Variants in TTPAL observed in about 807,000 individuals in gnomAD.
TTPAL encodes alpha-tocopherol transfer protein-like.
Under a neutral mutation model 28.7 loss-of-function variants are expected in TTPAL, and 21 were observed. The observed-to-expected ratio is 0.73, with a 90% CI of 0.52 to 1.06. TTPAL has a LOEUF of 1.06. Among genes scored for constraint, TTPAL ranks in the 50% least tolerant of loss-of-function variants. The probability of loss-of-function intolerance (pLI) is 0.00; values close to 1 mark genes in which losing one functional copy is unlikely to be tolerated. For synonymous variants in TTPAL, 169 were observed against 171.9 expected (o/e 0.98, Z 0.13); for missense variants, 345 against 425.5 (o/e 0.81, Z 1.67).
Position 44,494,136 on chromosome 20 carries a change from C to T in TTPAL, c.*4595C>T, listed in dbSNP as rs1444526847. The T allele has an allele frequency of 1.3e-5, 2 of 152,320 alleles. No individual in the cohort carries two copies. Among genetic ancestry groups the T allele is most frequent in the African/African-American group, 4.8e-5 (2 of 41,430 alleles). The allele number at this position is 152,320 out of a possible 1,614,324, so 9.4% of individuals were successfully genotyped here. On this transcript the variant is annotated 3_prime_UTR_variant, in exon 5 of 5. Transcript: ENST00000262605. ...ACAGTCAACAGGAGCTTGCTTCATG[C>T]GAAGGATCAATGTGATTTGTGGATG...
chr20:44,486,826 C>G lies in TTPAL; in HGVS notation c.750+120C>G, dbSNP rs1166974374. 8.2e-6 allele frequency: 5 copies of G among 608,990 alleles called. No individual in the cohort carries two copies. The African/African-American group carries it at 9.3e-5, about 11-fold the overall frequency. 37.7% of individuals were successfully genotyped at this position (608,990 alleles called of 1,614,324 possible). Reference sequence around the variant, plus strand: ...ACTAATTTGGAAAAGTACAGAGTTACAGATAAAATAAATGAACAGTCCCTT... The same window carrying G: ...ACTAATTTGGAAAAGTACAGAGTTAGAGATAAAATAAATGAACAGTCCCTT... On this transcript the variant is annotated intron_variant, in intron 4 of 4. Coordinates refer to ENST00000262605, the MANE Select transcript of TTPAL (RefSeq NM_001039199.3).
At position 44,489,405 on chromosome 20, in the gene TTPAL, T is replaced by A. The variant is rs778786390; in HGVS notation, c.893T>A (p.Val298Glu). Residue 298 changes from valine to glutamate, a missense_variant, in exon 5 of 5, where the codon GTG becomes GAG. Transcript: ENST00000262605. The part of the protein sequence containing the change: ...AVLLASEDDF[V>E]KEFCQPVPAC... ...CTGCTGGCTTCAGAAGACGATTTTGTGAAAGAGTTCTGCCAACCTGTTCCT... is the reference window on the plus strand; with the variant it reads ...CTGCTGGCTTCAGAAGACGATTTTGAGAAAGAGTTCTGCCAACCTGTTCCT... 6.2e-7 allele frequency: 1 copy of A among 1,614,156 alleles called. No individual in the cohort carries two copies. Among genetic ancestry groups the A allele is most frequent in the East Asian group, 2.2e-5 (1 of 44,884 alleles).
chr20:44,477,914 C>A (rs2064060806), intron 1 of TTPAL, among the ~76,000 whole-genome samples: 1 of 152,124 alleles, frequency 6.6e-6, no homozygotes, highest in Non-Finnish European at 1.5e-5. Context: ...TTCAGCCTAC[C>A]AAAGTGTTGG....
chr20:44,479,080 C>T (rs368404097), intron 1 of TTPAL, among the ~76,000 whole-genome samples: 5 of 152,168 alleles, frequency 3.3e-5, no homozygotes, highest in South Asian at 2.1e-4. Flanking sequence ...TGAGCCACCG[C>T]GCCCGGCCCC....
chr20:44,477,862 C>A (rs1288011970), intron 1 of TTPAL, among the ~76,000 whole-genome samples: 2 of 152,056 alleles, frequency 1.3e-5, no homozygotes, highest in African/African-American at 4.8e-5. Context: ...ACCATGTTGG[C>A]CAGGCTGGTC....
intron 1 of TTPAL, among the ~76,000 whole-genome samples, chr20:44,478,138 C>T (rs1355788682): frequency 1.3e-5 from 2 of 152,156 alleles, no homozygotes; most frequent in Non-Finnish European, 2.9e-5. Context: ...CAAAAAAGTG[C>T]ATGAGTTCAG....
rs1334186769 is a variant in TTPAL, at chr20:44,480,263, C to G, written c.264C>G (p.Arg88=). Residue 88 remains arginine (R), a synonymous_variant, in exon 2 of 5, where the codon CGC becomes CGG. Coordinates refer to ENST00000262605, the MANE Select transcript of TTPAL (RefSeq NM_001039199.3). This position sits in a 1 kb window ranked among gnomAD's most constrained non-coding sequence, Gnocchi z 4.1. ...TCCTGCTGCGCTTCCTCCGAGCCCGCAAGTTTGATTACGACCGGGCCCTGC... is the reference window on the plus strand; with the variant it reads ...TCCTGCTGCGCTTCCTCCGAGCCCGGAAGTTTGATTACGACCGGGCCCTGC... ...DAFLLRFLRA[R]KFDYDRALQL... is the part of the protein sequence containing the mutation. 6.2e-7 allele frequency: 1 copy of G among 1,614,190 alleles called. No homozygotes were observed. Among genetic ancestry groups the G allele is most frequent in the Admixed American group, 1.7e-5 (1 of 60,014 alleles).
intron 2 of TTPAL, among the ~76,000 whole-genome samples, chr20:44,483,030 G>C (rs1394845396): frequency 6.6e-6 from 1 of 152,032 alleles, no homozygotes; most frequent in Non-Finnish European, 1.5e-5. Flanking sequence ...GCTAATTTTT[G>C]TATTTTCAGT....
chr20:44,477,706 G>A (rs1478227376), intron 1 of TTPAL, among the ~76,000 whole-genome samples: 1 of 151,818 alleles, frequency 6.6e-6, no homozygotes, highest in Non-Finnish European at 1.5e-5. Context: ...CCAAGCTGGA[G>A]TGCAGTGACA....
chr20:44,490,887 C>G lies in TTPAL; in HGVS notation c.*1346C>G, dbSNP rs984475124. The G allele has an allele frequency of 2.6e-5, 4 of 151,644 alleles. No individual in the cohort carries two copies. Among genetic ancestry groups the G allele is most frequent in the African/African-American group, 9.7e-5 (4 of 41,196 alleles). The allele number at this position is 151,644 out of a possible 1,614,324, so 9.4% of individuals were successfully genotyped here. A position where few individuals can be genotyped will look rare whatever the true frequency, so the allele number is the denominator to read the frequency against. Reference sequence around the variant, plus strand: ...GGTCAGGAGTTCGAGACCCGCCTGGCCAAGATGGTGAAACCCCATCTCTAC... The same window carrying G: ...GGTCAGGAGTTCGAGACCCGCCTGGGCAAGATGGTGAAACCCCATCTCTAC... On this transcript the variant is annotated 3_prime_UTR_variant, in exon 5 of 5. Coordinates refer to ENST00000262605, the MANE Select transcript of TTPAL (RefSeq NM_001039199.3).
intron 1 of TTPAL, among the ~76,000 whole-genome samples, chr20:44,477,778 C>G (rs1236259171): frequency 6.6e-6 from 1 of 152,034 alleles, no homozygotes; most frequent in Non-Finnish European, 1.5e-5. Flanking sequence ...CTTCAACCTC[C>G]CAAGTAGCTG....
rs1220252500 is a variant in TTPAL at position 44,480,098 on chromosome 20, C to T, written c.99C>T (p.Cys33=). 6.2e-7 allele frequency: 1 copy of T among 1,614,216 alleles called. No individual in the cohort carries two copies. Among genetic ancestry groups the T allele is most frequent in the Non-Finnish European group, 8.5e-7 (1 of 1,180,036 alleles). ...PPPPEPPGYV[C]SLTEDLVTKA... is the part of the protein sequence containing the mutation. ...CACCTGAGCCTCCGGGCTATGTGTGCTCACTGACAGAAGACCTGGTCACCA... is the reference window on the plus strand; with the variant it reads ...CACCTGAGCCTCCGGGCTATGTGTGTTCACTGACAGAAGACCTGGTCACCA... Residue 33 remains cysteine (C), a synonymous_variant, in exon 2 of 5, where the codon TGC becomes TGT. Coordinates refer to ENST00000262605, the MANE Select transcript of TTPAL (RefSeq NM_001039199.3). The surrounding 1 kb of genome is among the most constrained non-coding windows in gnomAD (Gnocchi z 4.1).
chr20:44,480,995 CTGAGCCCTCTT>C lies in TTPAL; in HGVS notation c.445+554_445+564del, dbSNP rs2064099803. ...ACAAGCATGACTGCCAGGGCCCTCTCTGAGCCCTCTTTGTGAATAGGTTGAGGTACAGGTAT... is the reference window on the plus strand; with the variant it reads ...ACAAGCATGACTGCCAGGGCCCTCTCTGTGAATAGGTTGAGGTACAGGTAT... On this transcript the variant is annotated intron_variant, in intron 2 of 4. Coordinates refer to ENST00000262605, the MANE Select transcript of TTPAL (RefSeq NM_001039199.3). The surrounding 1 kb of genome is among the most constrained non-coding windows in gnomAD (Gnocchi z 4.1). Among the ~76,000 whole-genome samples the C allele has an allele frequency of 1.3e-5, 2 of 152,304 alleles. No homozygotes were observed. The highest frequency in any genetic ancestry group is 4.8e-5 in the African/African-American group (2 of 41,560).
At chr20:44,484,246 AAAC>A in intron 2 of TTPAL, 88 bp from the exon 3 acceptor site, 3 of 911,044 alleles carry the variant, frequency 3.3e-6, no homozygotes, top group East Asian at 5.3e-5. Flanking sequence ...TTCCATTTTG[AAAC>A]AACAGTGATA....
In TTPAL at chr20:44,489,356, G is replaced by A. The variant is rs556079203; in HGVS notation, c.844G>A (p.Asp282Asn). ...KEYGGTAGEL[D>N]TATWNAVLLA... Reference sequence around the variant, plus strand: ...GTATGGGGGCACGGCTGGGGAGCTGGACACTGCCACCTGGAACGCGGTACT... The same window carrying A: ...GTATGGGGGCACGGCTGGGGAGCTGAACACTGCCACCTGGAACGCGGTACT... The change falls in exon 5 of 5, where the codon GAC becomes AAC. Residue 282 changes from aspartate (D) to asparagine (N), a missense_variant. Asp to Asn is a conservative substitution (Grantham distance 23). Coordinates refer to ENST00000262605, the MANE Select transcript of TTPAL (RefSeq NM_001039199.3). 3.1e-6 allele frequency: 5 copies of A among 1,614,032 alleles called. No homozygotes were observed. Among genetic ancestry groups the A allele is most frequent in the Non-Finnish European group, 4.2e-6 (5 of 1,180,036 alleles).
intron 1 of TTPAL, among the ~76,000 whole-genome samples, chr20:44,479,487 G>C (rs1261392477): frequency 3.9e-5 from 5 of 127,710 alleles, no homozygotes. Flanking sequence ...CAACCTCCAC[G>C]TCCCGGGTTC....
At chr20:44,477,130 T>C (rs1023655061) in intron 1 of TTPAL, among the ~76,000 whole-genome samples, 1 of 152,196 alleles carries the variant, frequency 6.6e-6, no homozygotes, top group African/African-American at 2.4e-5. Flanking sequence ...TTGTTTTGAC[T>C]GGCATTTAAT....
At chr20:44,479,767 T>A (rs1232160997) in intron 1 of TTPAL, among the ~76,000 whole-genome samples, 1 of 152,170 alleles carries the variant, frequency 6.6e-6, no homozygotes, top group East Asian at 1.9e-4. Context: ...GAGTGTATAG[T>A]CTGCTGTAGC....
At chr20:44,488,667 A>G (rs557884901) in intron 4 of TTPAL, among the ~76,000 whole-genome samples, 1 of 152,264 alleles carries the variant, frequency 6.6e-6, no homozygotes, top group South Asian at 2.1e-4. Context: ...CAAAGACAAG[A>G]AGTGAGAGAG....
Sources: allele counts gnomAD v4.1 joint callset (sites outside exome capture counted in the v4.1 genomes callset), GRCh38; gene constraint gnomAD v4.1.1; non-coding constraint Gnocchi (gnomAD v3.1); transcripts MANE v1.5; gene names NCBI Gene and HGNC (gene_info 2026-07-23, HGNC 2026-07-21).